CNTN3: variants seen among roughly 807,000 people sequenced by gnomAD.
CNTN3 encodes contactin 3.
In CNTN3, 60 loss-of-function variants were observed where a neutral mutation model predicts 119.1. The ratio of observed to expected loss-of-function variants is 0.50; its 90% CI spans 0.41 to 0.62. The LOEUF is 0.62. Among genes scored for constraint, CNTN3 ranks in the 20% least tolerant of loss-of-function variants. The pLI is 0.00. For synonymous variants in CNTN3, 450 were observed against 438.7 expected, an observed-to-expected ratio of 1.03 and a Z score of -0.32; for missense variants, 1,101 against 1,242.4, an observed-to-expected ratio of 0.89 and a Z score of 1.71.
intron 20 of CNTN3, among the ~76,000 whole-genome samples, chr3:74,273,668 C>T (rs1209002579): frequency 6.6e-6 from 1 of 152,140 alleles, no homozygotes; most frequent in Admixed American, 6.5e-5. Context: ...CCTGTGAGTT[C>T]GCTGGGTCCC....
Position 74,371,231 on chromosome 3 carries a change from A to C in CNTN3, c.623T>G (p.Leu208Arg). Residue 208 changes from leucine (L) to arginine (R), a missense_variant, in exon 6 of 23, where the codon CTG becomes CGG. By Grantham distance (102) the Leu-to-Arg change is moderately radical. Coordinates refer to ENST00000263665, the MANE Select transcript of CNTN3 (RefSeq NM_020872.3). The part of the protein sequence containing the change: ...VTSMVTNARV[L>R]GSPTPLVLRS... ...TAGCACCAAAGGAGTTGGAGAGCCC[A>C]GCACTCGGGCATTTGTCACCATACT... The C allele has an allele frequency of 1.2e-6, 2 of 1,613,410 alleles. No homozygotes were observed. Among genetic ancestry groups the C allele is most frequent in the Non-Finnish European group, 1.7e-6 (2 of 1,179,588 alleles).
intron 5 of CNTN3, among the ~76,000 whole-genome samples, chr3:74,393,689 G>A (rs1258766062): frequency 6.6e-6 from 1 of 152,186 alleles, no homozygotes; most frequent in East Asian, 1.9e-4. Flanking sequence ...AACACAGAGG[G>A]AAATGGGAAA....
At chr3:74,579,364 CAA>C (rs1274802474) in intron 1 of CNTN3, among the ~76,000 whole-genome samples, 9 of 134,578 alleles carry the variant, frequency 6.7e-5, no homozygotes, top group African/African-American at 5.4e-5. Flanking sequence ...CCACCCCCCT[CAA>C]AAAAAAAAAA....
At chr3:74,401,776 C>T (rs1190287979) in intron 5 of CNTN3, among the ~76,000 whole-genome samples, 1 of 152,210 alleles carries the variant, frequency 6.6e-6, no homozygotes, top group Non-Finnish European at 1.5e-5. Flanking sequence ...TAACTGCTCC[C>T]CAGTCCTCAC....
intron 1 of CNTN3, among the ~76,000 whole-genome samples, chr3:74,538,636 T>G (rs1046631346): frequency 6.6e-6 from 1 of 152,198 alleles, no homozygotes; most frequent in Non-Finnish European, 1.5e-5. Flanking sequence ...TGTTATCATT[T>G]GAGCATTTTG....
chr3:74,291,777 C>T (rs1702236977), intron 19 of CNTN3, among the ~76,000 whole-genome samples: 1 of 152,148 alleles, frequency 6.6e-6, no homozygotes, highest in South Asian at 2.1e-4. Flanking sequence ...CTGTGGCTCC[C>T]TTCCCAAAGC....
chr3:74,424,833 A>G lies in CNTN3; in HGVS notation c.454+12T>C. 6.2e-7 allele frequency: 1 copy of G among 1,610,916 alleles called. No homozygotes were observed. Among genetic ancestry groups the G allele is most frequent in the Non-Finnish European group, 8.5e-7 (1 of 1,177,378 alleles). On this transcript the variant is annotated intron_variant, in intron 5 of 22. Transcript: ENST00000263665. ...TAATAAATATGAAAAGCAGAAACAGAGCATGACTTACCTCCAGAGTGTGGT... is the reference window on the plus strand; with the variant it reads ...TAATAAATATGAAAAGCAGAAACAGGGCATGACTTACCTCCAGAGTGTGGT...
At chr3:74,412,641 G>A (rs7433180) in intron 5 of CNTN3, among the ~76,000 whole-genome samples, 90,086 of 152,008 alleles carry the variant, frequency 0.59, 29,540 homozygotes, top group East Asian at 0.8. Context: ...ACTTTCAGCT[G>A]TGTCCTGTAG....
At chr3:74,398,263 G>A (rs936861343) in intron 5 of CNTN3, among the ~76,000 whole-genome samples, 9 of 152,098 alleles carry the variant, frequency 5.9e-5, no homozygotes, top group Non-Finnish European at 7.4e-5. Flanking sequence ...CTTCACTGTC[G>A]TCTTATTTTA....
At chr3:74,535,837 C>T (rs1161917242) in intron 1 of CNTN3, among the ~76,000 whole-genome samples, 2 of 152,164 alleles carry the variant, frequency 1.3e-5, no homozygotes, top group East Asian at 3.9e-4. Flanking sequence ...TCAAGACATT[C>T]GTGACGACCA....
At chr3:74,549,654 C>T (rs1320216330) in intron 1 of CNTN3, among the ~76,000 whole-genome samples, 1 of 152,018 alleles carries the variant, frequency 6.6e-6, no homozygotes, top group African/African-American at 2.4e-5. Context: ...ACCAGTTAGG[C>T]CTCTTCTGAA....
chr3:74,463,741 G>A (rs971255576), intron 4 of CNTN3, among the ~76,000 whole-genome samples: 1 of 152,058 alleles, frequency 6.6e-6, no homozygotes, highest in Non-Finnish European at 1.5e-5. Flanking sequence ...ACGTCTCCTG[G>A]AGAGTCGGCA....
At chr3:74,435,603 G>C (rs976356269) in intron 4 of CNTN3, among the ~76,000 whole-genome samples, 2 of 152,156 alleles carry the variant, frequency 1.3e-5, no homozygotes, top group Non-Finnish European at 2.9e-5. Flanking sequence ...TCCACACTGA[G>C]TAAATGGGGA....
chr3:74,440,280 T>C (rs1473312254), intron 4 of CNTN3, among the ~76,000 whole-genome samples: 2 of 152,192 alleles, frequency 1.3e-5, no homozygotes, highest in African/African-American at 4.8e-5. Flanking sequence ...TATTATATAT[T>C]AGTACATAAA....
chr3:74,345,212 C>G (rs1195003795), intron 11 of CNTN3, among the ~76,000 whole-genome samples: 1 of 152,120 alleles, frequency 6.6e-6, no homozygotes. Context: ...AATTTGCTTT[C>G]CCAGTAACAT....
At chr3:74,480,917 C>T (rs757713635) in intron 4 of CNTN3, among the ~76,000 whole-genome samples, 4 of 151,440 alleles carry the variant, frequency 2.6e-5, no homozygotes, top group Non-Finnish European at 5.9e-5. Context: ...TGTATAACAT[C>T]CAGTGCTTTT....
intron 2 of CNTN3, among the ~76,000 whole-genome samples, chr3:74,517,546 C>A (rs961418072): frequency 4.0e-5 from 6 of 151,854 alleles, no homozygotes; most frequent in African/African-American, 1.4e-4. Flanking sequence ...GTATTACGGA[C>A]CTCAATGTAT....
chr3:74,409,200 T>C lies in CNTN3; in HGVS notation c.454+15645A>G, dbSNP rs1418905945. ...CTTATCTTGGAAACATTTTTTTAAC[T>C]GACTAAAACCAAACAAAGCAAGACT... On this transcript the variant is annotated intron_variant, in intron 5 of 22. Coordinates refer to ENST00000263665, the MANE Select transcript of CNTN3 (RefSeq NM_020872.3). Among the ~76,000 whole-genome samples the C allele has an allele frequency of 2.6e-5, 4 of 152,144 alleles. 1 individual carries two copies. Among genetic ancestry groups the C allele is most frequent in the Admixed American group, 2.6e-4 (4 of 15,270 alleles).
intron 22 of CNTN3, among the ~76,000 whole-genome samples, 170 bp downstream of exon 22, chr3:74,266,311 C>T (rs1440682081): frequency 6.6e-6 from 1 of 152,108 alleles, no homozygotes; most frequent in East Asian, 1.9e-4. Flanking sequence ...CTATTTTGCA[C>T]CACTCTTGAG....
Sources: gnomAD v4.1 joint callset for allele counts (sites outside exome capture counted in the v4.1 genomes callset) on GRCh38, gnomAD v4.1.1 for gene constraint, MANE v1.5 for transcripts, NCBI Gene and HGNC (gene_info 2026-07-23, HGNC 2026-07-21) for gene names.